CAMKK2: variants seen among roughly 807,000 people sequenced by gnomAD.
The protein encoded by CAMKK2 is calcium/calmodulin-dependent protein kinase kinase 2.
A neutral mutation model predicts 67.2 loss-of-function variants in CAMKK2; 30 were observed. The observed-to-expected ratio is 0.45, with a 90% CI of 0.33 to 0.61. The LOEUF (loss-of-function observed/expected upper bound fraction) is 0.61. Among genes scored for constraint, CAMKK2 ranks in the 20% least tolerant of loss-of-function variants. CAMKK2 has a pLI of 0.02. For synonymous variants in CAMKK2, 322 were observed against 326.2 expected (o/e 0.99, Z 0.14); for missense variants, 643 against 802.0 (o/e 0.80, Z 2.39).
intron 2 of CAMKK2, among the ~76,000 whole-genome samples, chr12:121,273,123 T>C (rs1151881): frequency 0.038 from 5,801 of 151,880 alleles, 375 homozygotes; most frequent in African/African-American, 0.13. Context: ...CTGATTAACG[T>C]TATGAAGGAA....
At chr12:121,266,813 CT>C (rs564461461) in intron 5 of CAMKK2, among the ~76,000 whole-genome samples, 1 of 151,824 alleles carries the variant, frequency 6.6e-6, no homozygotes, top group East Asian at 1.9e-4. Flanking sequence ...TCTAATTTCT[CT>C]TTTTGGCCCA....
At chr12:121,241,571 G>A (rs1009081025) in intron 16 of CAMKK2, among the ~76,000 whole-genome samples, 7 of 152,234 alleles carry the variant, frequency 4.6e-5, no homozygotes, top group African/African-American at 1.7e-4. Context: ...GAATCCCCGA[G>A]CCTATCCCCT....
chr12:121,277,719 C>T (rs2136483748), intron 1 of CAMKK2, among the ~76,000 whole-genome samples: 1 of 152,326 alleles, frequency 6.6e-6, no homozygotes, highest in South Asian at 2.1e-4. Context: ...GTAATCCCAA[C>T]ACCTTGGGAG....
rs140962916 is a variant in CAMKK2 at position 121,260,996 on chromosome 12, C to T, written c.760-641G>A. On this transcript the variant is annotated intron_variant, in intron 6 of 16. Transcript: ENST00000404169. Reference sequence around the variant, plus strand: ...ATCCAACCCAGCTCCTAGGAGACAACGGTGTTCAGGGTGAAAATTCAAATC... The same window carrying T: ...ATCCAACCCAGCTCCTAGGAGACAATGGTGTTCAGGGTGAAAATTCAAATC... Among the ~76,000 whole-genome samples the T allele has an allele frequency of 9.6e-4, 145 of 151,338 alleles. 1 individual carries two copies. The highest frequency in any genetic ancestry group is 3.4e-3 in the African/African-American group (138 of 41,182).
At chr12:121,290,653 G>C (rs1161566203) in intron 1 of CAMKK2, among the ~76,000 whole-genome samples, 1 of 152,132 alleles carries the variant, frequency 6.6e-6, no homozygotes, top group East Asian at 1.9e-4. Flanking sequence ...TGGCAACACT[G>C]CACTCCAGCC....
chr12:121,292,221 G>A (rs1900180775), intron 1 of CAMKK2, among the ~76,000 whole-genome samples: 1 of 151,146 alleles, frequency 6.6e-6, no homozygotes, highest in Non-Finnish European at 1.5e-5. Flanking sequence ...CACCTCCCGG[G>A]TTCAAGCGAT....
intron 6 of CAMKK2, 89 bp from the exon 7 acceptor site, chr12:121,260,444 C>T (rs776524110): frequency 9.7e-6 from 12 of 1,240,452 alleles, no homozygotes; most frequent in South Asian, 3.8e-5. Context: ...GCAGCATCCA[C>T]GTGGCTGCGT....
chr12:121,281,288 C>T (rs1387294831), intron 1 of CAMKK2, among the ~76,000 whole-genome samples: 1 of 152,248 alleles, frequency 6.6e-6, no homozygotes, highest in East Asian at 1.9e-4. Flanking sequence ...AGCAAGCTGC[C>T]AGTGGGTGCC....
At chr12:121,263,671 G>A in intron 6 of CAMKK2, 135 bp downstream of exon 6, 1 of 616,836 alleles carries the variant, frequency 1.6e-6, no homozygotes, top group Non-Finnish European at 2.6e-6. Context: ...ATACTCTTAG[G>A]GAGCAGTAAA....
At chr12:121,263,723 T>C (rs1435394667) in intron 6 of CAMKK2, 83 bp downstream of exon 6, 2 of 1,393,412 alleles carry the variant, frequency 1.4e-6, no homozygotes, top group Non-Finnish European at 2.0e-6. Flanking sequence ...GTGACCTGGC[T>C]CTCCCTGGAA....
In CAMKK2 at chr12:121,238,689, T is replaced by C. The variant is rs2136106066; in HGVS notation, c.*2010A>G. 6.5e-6 allele frequency: 1 copy of C among 152,752 alleles called. No homozygotes were observed. Among genetic ancestry groups the C allele is most frequent in the Non-Finnish European group, 1.5e-5 (1 of 68,060 alleles). 9.5% of individuals were successfully genotyped at this position (152,752 alleles called of 1,614,324 possible). A position where few individuals can be genotyped will look rare whatever the true frequency, so the allele number is the denominator to read the frequency against. On this transcript the variant is annotated 3_prime_UTR_variant, in exon 17 of 17. Transcript: ENST00000404169. The stretch of plus-strand genomic sequence containing the variant: ...GGTTCCGTGGTGGGGAGAAATGGCA[T>C]TGTCTGATGCAGCTGTGTAAACAAG...
chr12:121,247,362 CG>C (rs1889697972), intron 14 of CAMKK2, among the ~76,000 whole-genome samples: 1 of 152,170 alleles, frequency 6.6e-6, no homozygotes, highest in South Asian at 2.1e-4. Context: ...AGAAACCACT[CG>C]GTGTTCAACA....
Position 121,283,315 on chromosome 12 carries a change from C to A in CAMKK2, c.-59-8730G>T, listed in dbSNP as rs1488097798. On this transcript the variant is annotated intron_variant, in intron 1 of 16. Coordinates refer to ENST00000404169, the MANE Select transcript of CAMKK2 (RefSeq NM_001270485.2). ...TCAGATCCAGTGACACCAACTGTTA[C>A]AACTGGCTCTCTCCTTCAGCGCTCT... 3.3e-5 allele frequency among the ~76,000 whole-genome samples: 5 copies of A among 152,182 alleles called. 1 individual carries two copies. Among genetic ancestry groups the A allele is most frequent in the African/African-American group, 1.2e-4 (5 of 41,428 alleles).
Position 121,274,198 on chromosome 12 carries a change from G to T in CAMKK2, c.329C>A (p.Ala110Glu). ...GTTCATGTCCAGGCTGCCACCGGCT[G>T]CCAGCCCACCCTGGGACCGCTCTTG... is the stretch of plus-strand genomic sequence containing the variant. ...SLQERSQGGL[A>E]AGGSLDMNGR... The change falls in exon 2 of 17, where the codon GCA becomes GAA. Residue 110 changes from alanine to glutamate, a missense_variant. Physicochemically the swap from Ala to Glu is moderately radical, Grantham distance 107. Coordinates refer to ENST00000404169, the MANE Select transcript of CAMKK2 (RefSeq NM_001270485.2). 1 of 1,602,168 alleles carries T rather than the reference G, an allele frequency of 6.2e-7. No individual in the cohort carries two copies. Among genetic ancestry groups the T allele is most frequent in the Non-Finnish European group, 8.5e-7 (1 of 1,172,352 alleles).
intron 5 of CAMKK2, among the ~76,000 whole-genome samples, chr12:121,267,203 G>A (rs1422665055): frequency 3.7e-5 from 5 of 135,648 alleles, no homozygotes; most frequent in African/African-American, 5.7e-5. Context: ...TCCGCCTCCT[G>A]GGTTCCAGCG....
At position 121,240,353 on chromosome 12, in the gene CAMKK2, C is replaced by T; in HGVS notation, c.*346G>A. 2 of 1,279,062 alleles carry T rather than the reference C, an allele frequency of 1.6e-6. No individual in the cohort carries two copies. Among genetic ancestry groups the T allele is most frequent in the South Asian group, 1.4e-5 (1 of 71,890 alleles). 79.2% of individuals were successfully genotyped at this position (1,279,062 alleles called of 1,614,324 possible). A position where few individuals can be genotyped will look rare whatever the true frequency, so the allele number is the denominator to read the frequency against. On this transcript the variant is annotated 3_prime_UTR_variant, in exon 17 of 17. Transcript: ENST00000404169. This position sits in a 1 kb window ranked among gnomAD's most constrained non-coding sequence, Gnocchi z 4.4. ...TTCCACAGTTGTCAAACCCCACACA[C>T]AGTCACTTGGTATATCTGACGTGGT...
At chr12:121,288,401 T>G (rs1899225433) in intron 1 of CAMKK2, among the ~76,000 whole-genome samples, 1 of 151,858 alleles carries the variant, frequency 6.6e-6, no homozygotes, top group East Asian at 1.9e-4. Context: ...ACAAGAAGAG[T>G]GCAGGGAGCC....
chr12:121,292,325 C>T (rs913000329), intron 1 of CAMKK2, among the ~76,000 whole-genome samples: 4 of 151,894 alleles, frequency 2.6e-5, no homozygotes, highest in African/African-American at 7.3e-5. Context: ...GACGGGGTTT[C>T]GCTATGTTGG....
At chr12:121,244,153 G>A (rs1178868441) in intron 16 of CAMKK2, 2 of 1,608,086 alleles carry the variant, frequency 1.2e-6, no homozygotes, top group African/African-American at 2.7e-5. Flanking sequence ...AGAAAGAGAA[G>A]TGGAGGCTGG....
Sources: gnomAD v4.1 joint callset for allele counts (sites outside exome capture counted in the v4.1 genomes callset) on GRCh38, gnomAD v4.1.1 for gene constraint, Gnocchi (gnomAD v3.1) non-coding constraint, MANE v1.5 for transcripts, NCBI Gene and HGNC (gene_info 2026-07-23, HGNC 2026-07-21) for gene names.